FRY: variants seen among roughly 807,000 people sequenced by gnomAD.
FRY encodes FRY microtubule binding protein.
In FRY, 128 loss-of-function variants were observed where a neutral mutation model predicts 348.4. The ratio of observed to expected loss-of-function variants is 0.37; its 90% CI spans 0.32 to 0.43. The LOEUF (loss-of-function observed/expected upper bound fraction) is 0.43, where lower values mean the gene tolerates loss of function less well. Ranked by LOEUF, FRY falls within the 20% of genes least tolerant of loss-of-function variation. FRY has a pLI of 1.00. For missense variants in FRY, 2,736 were observed against 3,695.2 expected (o/e 0.74, Z 6.73); for synonymous variants, 1,370 against 1,374.7 (o/e 1.00, Z 0.08).
Position 32,239,266 on chromosome 13 carries a change from G to A in FRY, c.6433G>A (p.Val2145Ile), listed in dbSNP as rs1212249702. The change falls in exon 45 of 61, where the codon GTC (valine) becomes ATC (isoleucine). Residue 2145 changes from valine (V) to isoleucine (I), a missense_variant. Transcript: ENST00000542859. The surrounding 1 kb of genome is among the most constrained non-coding windows in gnomAD (Gnocchi z 4.3). ...ASHAIGFPLN[V>I]LCLLPQLIQH... Reference sequence around the variant, plus strand: ...CTCTAATCCAGGGTTTCCACTGAATGTCTTGTGTCTCCTGCCTCAGCTGAT... The same window carrying A: ...CTCTAATCCAGGGTTTCCACTGAATATCTTGTGTCTCCTGCCTCAGCTGAT... 4 of 1,602,128 alleles carry A rather than the reference G, an allele frequency of 2.5e-6. No homozygotes were observed. The highest frequency in any genetic ancestry group is 2.2e-5 in the East Asian group (1 of 44,850).
intron 58 of FRY, among the ~76,000 whole-genome samples, chr13:32,279,730 A>G (rs1418541347): frequency 6.6e-6 from 1 of 152,218 alleles, no homozygotes; most frequent in Non-Finnish European, 1.5e-5. Flanking sequence ...ACAGTACTTT[A>G]TTACGTAAAA....
rs1267781536 is a variant in FRY, at chr13:32,147,832, C to T, written c.1284-7C>T. ...GCTTGTTTTCTCTTTTCCCCCTTAT[C>T]TTTCAGCCGACTTATAACCATCATC... On this transcript the variant is annotated splice_region_variant and splice_polypyrimidine_tract_variant and intron_variant, in intron 12 of 60. Coordinates refer to ENST00000542859, the MANE Select transcript of FRY (RefSeq NM_023037.3). 1.3e-6 allele frequency: 2 copies of T among 1,556,042 alleles called. No homozygotes were observed. The highest frequency in any genetic ancestry group is 1.7e-5 in the Admixed American group (1 of 59,944).
At chr13:32,111,723 T>G (rs1877978066) in intron 3 of FRY, among the ~76,000 whole-genome samples, 2 of 152,216 alleles carry the variant, frequency 1.3e-5, no homozygotes, top group African/African-American at 4.8e-5. Flanking sequence ...TGCAGAGGGT[T>G]GTGTCCATTT....
At chr13:32,092,902 T>C (rs1876423256) in intron 2 of FRY, among the ~76,000 whole-genome samples, 2 of 152,380 alleles carry the variant, frequency 1.3e-5, no homozygotes, top group South Asian at 4.1e-4. Context: ...GAGTATCTTA[T>C]GTCATCTTTA....
intron 43 of FRY, among the ~76,000 whole-genome samples, chr13:32,236,865 G>A (rs1886254363): frequency 1.3e-5 from 2 of 152,100 alleles, no homozygotes; most frequent in African/African-American, 2.4e-5. Context: ...ATCTAAATCA[G>A]TAAAAATATA....
At position 32,261,190 on chromosome 13, in the gene FRY, A is replaced by G. The variant is rs143011691; in HGVS notation, c.7417-426A>G. ...GATTCTGGAATGTGCTACAAGCAGC[A>G]TAGCTCCTACTTTTTTCTCCTTCTG... On this transcript the variant is annotated intron_variant, in intron 51 of 60. Transcript: ENST00000542859. 3.4e-3 allele frequency among the ~76,000 whole-genome samples: 524 copies of G among 152,332 alleles called. 4 individuals carry two copies. Among genetic ancestry groups the G allele is most frequent in the African/African-American group, 0.012 (502 of 41,576 alleles).
At position 32,261,688 on chromosome 13, in the gene FRY, C is replaced by A. The variant is rs541421041; in HGVS notation, c.7489C>A (p.Gln2497Lys). The change falls in exon 52 of 61, where the codon CAG (glutamine) becomes AAG (lysine). Residue 2497 changes from glutamine to lysine, a missense_variant. Physicochemically the swap from Gln to Lys is moderately conservative, Grantham distance 53. Coordinates refer to ENST00000542859, the MANE Select transcript of FRY (RefSeq NM_023037.3). ...SLDSLDKCDM[Q>K]ILEERQLSGS... ...GGACAGCCTGGATAAGTGTGATATG[C>A]AGATTCTGGAGGAGCGCCAACTGTC... 2 of 1,614,054 alleles carry A rather than the reference C, an allele frequency of 1.2e-6. No individual in the cohort carries two copies. Among genetic ancestry groups the A allele is most frequent in the South Asian group, 2.2e-5 (2 of 91,078 alleles).
At chr13:32,212,238 G>C in intron 34 of FRY, 54 bp from the exon 35 acceptor site, 1 of 968,010 alleles carries the variant, frequency 1.0e-6, no homozygotes, top group Non-Finnish European at 1.6e-6. Context: ...ACTTGAGCTT[G>C]ACCCCTCAGC....
chr13:32,037,377 A>G (rs1872567960), intron 1 of FRY, among the ~76,000 whole-genome samples: 1 of 152,168 alleles, frequency 6.6e-6, no homozygotes. Context: ...TCTGTTTAGG[A>G]AACAGTAGCA....
intron 58 of FRY, among the ~76,000 whole-genome samples, chr13:32,286,898 TC>T (rs1889098501): frequency 6.6e-6 from 1 of 151,458 alleles, no homozygotes; most frequent in Non-Finnish European, 1.5e-5. Context: ...GGTGGCTCAT[TC>T]CTGTAATCCC....
intron 4 of FRY, among the ~76,000 whole-genome samples, chr13:32,120,424 C>T (rs1269890593): frequency 1.3e-5 from 2 of 152,048 alleles, no homozygotes; most frequent in African/African-American, 4.8e-5. Context: ...GACTGCCTTC[C>T]TGTTCTTCTG....
intron 53 of FRY, among the ~76,000 whole-genome samples, chr13:32,264,078 G>A (rs1029839741): frequency 2.0e-5 from 3 of 152,132 alleles, no homozygotes; most frequent in Non-Finnish European, 4.4e-5. Flanking sequence ...TTTCTGAAGA[G>A]CTATCCCTGT....
In FRY at chr13:32,235,270, A is replaced by G. The variant is rs529331047; in HGVS notation, c.5715+509A>G. On this transcript the variant is annotated intron_variant, in intron 42 of 60. Coordinates refer to ENST00000542859, the MANE Select transcript of FRY (RefSeq NM_023037.3). ...TAGAGCCCAGAGATTGGGAAGCTGAACAGGTTGAGAGCTGCTGGCATTACA... is the reference window on the plus strand; with the variant it reads ...TAGAGCCCAGAGATTGGGAAGCTGAGCAGGTTGAGAGCTGCTGGCATTACA... Among the ~76,000 whole-genome samples, 7 of 152,332 alleles carry G rather than the reference A, an allele frequency of 4.6e-5. No homozygotes were observed. In the South Asian group the frequency reaches 1.4e-3, roughly 32 times the overall value.
At chr13:32,203,672 G>A (rs1015702589) in intron 31 of FRY, among the ~76,000 whole-genome samples, 59 of 152,106 alleles carry the variant, frequency 3.9e-4, no homozygotes, top group African/African-American at 1.3e-3. Flanking sequence ...GCAGTGAGCC[G>A]AGATCATGCC....
chr13:32,268,787 C>A lies in FRY; in HGVS notation c.8136+1428C>A, dbSNP rs966023250. ...GGTTCAAGCGATTCTCCTGCCTCAG[C>A]CTCCCGAGTAGCTGGGATTACAGGC... On this transcript the variant is annotated intron_variant, in intron 55 of 60. Transcript: ENST00000542859. 2.6e-5 allele frequency among the ~76,000 whole-genome samples: 4 copies of A among 151,930 alleles called. 1 individual carries two copies. Among genetic ancestry groups the A allele is most frequent in the Non-Finnish European group, 5.9e-5 (4 of 68,010 alleles).
At chr13:32,177,594 GATAAATAAATAA>G (rs71194512) in intron 20 of FRY, among the ~76,000 whole-genome samples, 10 of 147,952 alleles carry the variant, frequency 6.8e-5, no homozygotes, top group Non-Finnish European at 1.5e-4. Context: ...ACTCTGTCTC[GATAAATAAATAA>G]ATAAATAAAT....
At chr13:32,230,154 C>T (rs539338622) in intron 40 of FRY, among the ~76,000 whole-genome samples, 1 of 152,142 alleles carries the variant, frequency 6.6e-6, no homozygotes, top group Non-Finnish European at 1.5e-5. Flanking sequence ...GTTGTACAGG[C>T]TATTTCACCA....
At chr13:32,278,776 C>T (rs1888670104) in intron 58 of FRY, among the ~76,000 whole-genome samples, 1 of 152,038 alleles carries the variant, frequency 6.6e-6, no homozygotes, top group South Asian at 2.1e-4. Flanking sequence ...ATAAAATAAC[C>T]TTTTTTGCTG....
At chr13:32,157,056 C>T (rs1428259371) in intron 15 of FRY, among the ~76,000 whole-genome samples, 1 of 151,978 alleles carries the variant, frequency 6.6e-6, no homozygotes, top group African/African-American at 2.4e-5. Context: ...ATTAGAATTC[C>T]TATACATTGA....
Sources: gnomAD v4.1 joint callset for allele counts (sites outside exome capture counted in the v4.1 genomes callset) on GRCh38, gnomAD v4.1.1 for gene constraint, Gnocchi (gnomAD v3.1) non-coding constraint, MANE v1.5 for transcripts, NCBI Gene and HGNC (gene_info 2026-07-23, HGNC 2026-07-21) for gene names.